RTL9: variants seen among roughly 807,000 people sequenced by gnomAD.
RTL9 encodes the protein retrotransposon Gag like 9.
Under a neutral mutation model 44.7 loss-of-function variants are expected in RTL9, and 19 were observed. That is an observed-to-expected ratio of 0.42 (90% CI 0.30 to 0.62). RTL9 has a LOEUF of 0.62. Among genes scored for constraint, RTL9 ranks in the 20% least tolerant of loss-of-function variants. RTL9 has a pLI of 0.16. For missense variants in RTL9, 1,105 were observed against 1,080.6 expected (o/e 1.02, Z -0.32); for synonymous variants, 407 against 398.9 (o/e 1.02, Z -0.24).
At chrX:110,451,518 G>A in exon 1 of RTL9, 2 of 1,212,001 alleles carry the variant, frequency 1.7e-6, no homozygotes, top group Non-Finnish European at 2.2e-6. Context: ...GCTCATGTCA[G>A]ATCTAGACTC....
chrX:110,368,345 T>C (rs1312857967), intron 1 of RTL9, among the ~76,000 whole-genome samples: 1 of 111,265 alleles, frequency 9.0e-6, no homozygotes, highest in Non-Finnish European at 1.9e-5. Context: ...TTCTACATGA[T>C]CTACCTTCAT....
intron 1 of RTL9, among the ~76,000 whole-genome samples, chrX:110,375,552 G>C (rs1193942164): frequency 9.0e-6 from 1 of 110,565 alleles, no homozygotes; most frequent in Non-Finnish European, 1.9e-5. Flanking sequence ...ATGAATGAAT[G>C]AATGAATGAA....
At chrX:110,431,823 T>C (rs917920169) in intron 1 of RTL9, among the ~76,000 whole-genome samples, 2 of 111,778 alleles carry the variant, frequency 1.8e-5, no homozygotes, top group East Asian at 5.6e-4. Flanking sequence ...ACATTAGGTT[T>C]GAGGAGCAGG....
chrX:110,445,903 CCTAGAGACT>C (rs760127965), upstream of RTL9, among the ~76,000 whole-genome samples: 58 of 111,345 alleles, frequency 5.2e-4, no homozygotes, highest in Non-Finnish European at 1.1e-3. Flanking sequence ...TCTCTGTGTT[CCTAGAGACT>C]CTGGCTTTAA....
intron 1 of RTL9, among the ~76,000 whole-genome samples, chrX:110,433,423 C>T (rs1255011419): frequency 2.7e-5 from 3 of 111,355 alleles, no homozygotes; most frequent in Non-Finnish European, 5.7e-5. Context: ...TCTGTCTTAT[C>T]GCAGGCCTGG....
At chrX:110,403,863 G>A (rs2068580712) in intron 1 of RTL9, among the ~76,000 whole-genome samples, 1 of 112,068 alleles carries the variant, frequency 8.9e-6, no homozygotes. Flanking sequence ...TATATGTGCT[G>A]TATACACCCA....
rs191043721 is a variant in RTL9, at chrX:110,360,657, T to C, written c.-168+1741T>C. Among the ~76,000 whole-genome samples, 567 of 111,697 alleles carry C rather than the reference T, an allele frequency of 5.1e-3. 2 individuals are homozygous for C. The highest frequency in any genetic ancestry group is 7.8e-3 in the Non-Finnish European group (414 of 53,110). On this transcript the variant is annotated intron_variant, in intron 1 of 2. Coordinates refer to the RTL9 transcript ENST00000520821. The stretch of plus-strand genomic sequence containing the variant: ...TGAATAGTGATGCCATTCTTTAAGA[T>C]AGAGAGCCCAGGAGAAGTAGAAAGA...
exon 1 of RTL9, chrX:110,451,729 C>T (rs1245913302): frequency 1.5e-5 from 18 of 1,209,327 alleles, no homozygotes; most frequent in Admixed American, 4.4e-5. Context: ...GGCTCTGGGG[C>T]GATGTCCCCA....
intron 1 of RTL9, among the ~76,000 whole-genome samples, chrX:110,429,622 A>G (rs1257710227): frequency 4.5e-5 from 5 of 110,105 alleles, no homozygotes; most frequent in Admixed American, 3.9e-4. Flanking sequence ...AGCTGGGATT[A>G]CGGGCCCATG....
upstream of RTL9, among the ~76,000 whole-genome samples, chrX:110,418,635 G>A (rs757489489): frequency 4.5e-5 from 5 of 111,532 alleles, no homozygotes; most frequent in African/African-American, 1.3e-4. Context: ...AAACTGCCAC[G>A]GTCTCCAACC....
At chrX:110,451,650 G>A (rs1569433493) in exon 1 of RTL9, 1 of 1,211,977 alleles carries the variant, frequency 8.3e-7, no homozygotes, top group Non-Finnish European at 1.1e-6. Context: ...AGATGCTGAA[G>A]CAATGTCCCC....
At chrX:110,363,864 A>G (rs975029432) in intron 1 of RTL9, among the ~76,000 whole-genome samples, 3 of 111,919 alleles carry the variant, frequency 2.7e-5, no homozygotes, top group Admixed American at 1.9e-4. Context: ...AGGCAACTCT[A>G]TGATATCATA....
chrX:110,409,763 G>T (rs746214516), intron 1 of RTL9, among the ~76,000 whole-genome samples: 17 of 111,325 alleles, frequency 1.5e-4, no homozygotes, highest in Middle Eastern at 4.7e-3. Context: ...AGCCTTCAGG[G>T]CTCCTGATAA....
At chrX:110,382,536 T>C (rs184854252) in intron 1 of RTL9, among the ~76,000 whole-genome samples, 8 of 111,916 alleles carry the variant, frequency 7.1e-5, no homozygotes, top group East Asian at 2.8e-4. Context: ...GTGTAACTCA[T>C]AGCTGGTTTT....
chrX:110,443,613 A>G (rs927150189), intron 1 of RTL9, among the ~76,000 whole-genome samples: 7 of 112,340 alleles, frequency 6.2e-5, no homozygotes, highest in Non-Finnish European at 1.1e-4. Context: ...CTCTTCTCTC[A>G]TCAAGGAAGT....
chrX:110,399,146 A>T (rs2068547604), intron 1 of RTL9, among the ~76,000 whole-genome samples: 1 of 112,156 alleles, frequency 8.9e-6, no homozygotes, highest in African/African-American at 3.2e-5. Context: ...ACAATAATAT[A>T]ATACAGTGTA....
intron 1 of RTL9, among the ~76,000 whole-genome samples, chrX:110,411,766 C>T (rs987742281): frequency 8.9e-6 from 1 of 112,464 alleles, no homozygotes; most frequent in Admixed American, 9.4e-5. Context: ...ATTTTCTTTA[C>T]AGCACTTACC....
At chrX:110,418,503 A>G (rs982995412), upstream of RTL9, among the ~76,000 whole-genome samples, 1 of 111,998 alleles carries the variant, frequency 8.9e-6, no homozygotes, top group Non-Finnish European at 1.9e-5. Context: ...TCAGGGCCAA[A>G]TGAGTTTTTC....
Position 110,400,901 on chromosome X carries a change from G to A in RTL9, c.-168+41985G>A, listed in dbSNP as rs191027588. Among the ~76,000 whole-genome samples, 3 of 111,760 alleles carry A rather than the reference G, an allele frequency of 2.7e-5. No individual in the cohort carries two copies. In the East Asian group the frequency reaches 8.4e-4, roughly 31 times the overall value. ...AATCAATGAATGCTCCCAGTTCTTC[G>A]TCATCTTTAGAGGCTACTTCCAGGG... On this transcript the variant is annotated intron_variant, in intron 1 of 2. Coordinates refer to the RTL9 transcript ENST00000520821.
Sources: allele counts gnomAD v4.1 joint callset (sites outside exome capture counted in the v4.1 genomes callset), GRCh38; gene constraint gnomAD v4.1.1; transcripts MANE v1.5; gene names NCBI Gene and HGNC (gene_info 2026-07-23, HGNC 2026-07-21).